The following NFKB2 variants were observed in gnomAD, a reference collection of about 807,000 sequenced individuals.
The protein encoded by NFKB2 is nuclear factor NF-kappa-B p100 subunit.
Under a neutral mutation model 109.3 loss-of-function variants are expected in NFKB2, and 21 were observed. The observed-to-expected ratio is 0.19, with a 90% CI of 0.14 to 0.28. The LOEUF is 0.28. Ranked by LOEUF, NFKB2 falls within the 10% of genes least tolerant of loss-of-function variation. The pLI, the probability that NFKB2 is intolerant of heterozygous loss-of-function variation, is 1.00. For synonymous variants in NFKB2, 478 were observed against 489.9 expected, an observed-to-expected ratio of 0.98 and a Z score of 0.32; for missense variants, 806 against 1,185.3, an observed-to-expected ratio of 0.68 and a Z score of 4.70.
rs758547255 is a variant in NFKB2 at position 102,401,377 on chromosome 10, G to A, written c.2223+46G>A. ...GAAGTGCTCTGAGTGACGGGGTCCA[G>A]AGTATCTGGACTTAAAGACACAGGC... On this transcript the variant is annotated intron_variant, in intron 19 of 22. Transcript: ENST00000661543. This position sits in a 1 kb window ranked among gnomAD's most constrained non-coding sequence, Gnocchi z 4.2. 2.9e-5 allele frequency: 46 copies of A among 1,611,814 alleles called. No individual in the cohort carries two copies. Among genetic ancestry groups the A allele is most frequent in the Admixed American group, 1.5e-4 (9 of 59,898 alleles).
Position 102,397,111 on chromosome 10 carries a change from C to G in NFKB2, c.395+56C>G, listed in dbSNP as rs2061129407. 1 of 1,589,062 alleles carries G rather than the reference C, an allele frequency of 6.3e-7. No individual in the cohort carries two copies. On this transcript the variant is annotated intron_variant, in intron 6 of 22. Coordinates refer to ENST00000661543, the MANE Select transcript of NFKB2 (RefSeq NM_001322934.2). The surrounding 1 kb of genome is among the most constrained non-coding windows in gnomAD (Gnocchi z 4.7). The stretch of plus-strand genomic sequence containing the variant: ...GTATGCCCGTCTGCCAGTCCCAGGC[C>G]CCAGCCCACCTCCATGAGCTTAGCA...
chr10:102,399,981 TCCATGGGCC>T, intron 14 of NFKB2, 90 bp from the exon 15 acceptor site: 1 of 1,283,498 alleles, frequency 7.8e-7, no homozygotes, highest in Non-Finnish European at 1.1e-6. Context: ...CGTGCTGGGT[TCCATGGGCC>T]CCAGCGAGGG....
chr10:102,402,131 A>G lies in NFKB2; in HGVS notation c.2550A>G (p.Pro850=), dbSNP rs1424990800. 2 of 1,578,330 alleles carry G rather than the reference A, an allele frequency of 1.3e-6. No homozygotes were observed. Among genetic ancestry groups the G allele is most frequent in the Non-Finnish European group, 8.6e-7 (1 of 1,161,656 alleles). ...LEEGVRLLRG[P]ETRDKLPSTA... ...AGGGAGTGAGGCTGCTGAGGGGTCC[A>G]GAAACCCGAGACAAGCTGCCCAGCA... Residue 850 remains proline (P), a synonymous_variant, in exon 22 of 23, where the codon CCA becomes CCG. Transcript: ENST00000661543.
rs751168622 is a variant in NFKB2 at position 102,400,509 on chromosome 10, CCTGA to C, written c.1798+21_1798+24del. 60 of 1,594,344 alleles carry C rather than the reference CCTGA, an allele frequency of 3.8e-5. No individual in the cohort carries two copies. Among genetic ancestry groups the C allele is most frequent in the South Asian group, 1.2e-4 (11 of 89,240 alleles). ...CTTTGAGGGTGAGCTCCCCATCTCA[CCTGA>C]CTAAGGGGGCAGGCGGGGACCAGGG... On this transcript the variant is annotated intron_variant, in intron 16 of 22. Transcript: ENST00000661543. The surrounding 1 kb of genome is among the most constrained non-coding windows in gnomAD (Gnocchi z 6.3).
In NFKB2 at chr10:102,399,341, G is replaced by C. The variant is rs551547169; in HGVS notation, c.1171G>C (p.Gly391Arg). ...CCTGGCCTACAGCCCCTACCAGTCC[G>C]GCGCGGGCCCCATGGGCTGCTACCC... The part of the protein sequence containing the change: ...SSLAYSPYQS[G>R]AGPMGCYPGG... Residue 391 changes from glycine to arginine, a missense_variant, in exon 13 of 23, where the codon GGC (glycine) becomes CGC (arginine). Physicochemically the swap from Gly to Arg is moderately radical, Grantham distance 125. Coordinates refer to ENST00000661543, the MANE Select transcript of NFKB2 (RefSeq NM_001322934.2). 1 of 1,577,154 alleles carries C rather than the reference G, an allele frequency of 6.3e-7. No individual in the cohort carries two copies. Among genetic ancestry groups the C allele is most frequent in the East Asian group, 2.3e-5 (1 of 43,364 alleles).
Position 102,395,798 on chromosome 10 carries a change from T to G in NFKB2, c.-73+2T>G. 8 of 680,188 alleles carry G rather than the reference T, an allele frequency of 1.2e-5. No homozygotes were observed. The highest frequency in any genetic ancestry group is 1.8e-5 in the South Asian group (1 of 54,882). 42.1% of individuals were successfully genotyped at this position (680,188 alleles called of 1,614,324 possible). A position where few individuals can be genotyped will look rare whatever the true frequency, so the allele number is the denominator to read the frequency against. ...CACCCGGACAGGCGGCTGGAGGAGG[T>G]CGGACCCTCCCCCAAATCTGGGCCC... On this transcript the variant is annotated splice_donor_variant, in intron 1 of 22. Transcript: ENST00000661543. LOFTEE classifies it low-confidence loss of function (5UTR_SPLICE).
At position 102,398,057 on chromosome 10, in the gene NFKB2, T is replaced by C. The variant is rs187541224; in HGVS notation, c.738T>C (p.Val246=). Residue 246 remains valine, a synonymous_variant, in exon 9 of 23, where the codon GTT becomes GTC. Transcript: ENST00000661543. The surrounding 1 kb of genome is among the most constrained non-coding windows in gnomAD (Gnocchi z 6.6). The stretch of plus-strand genomic sequence containing the variant: ...GCTCTGTGCGGGGTGGAGATGAAGT[T>C]TATCTGCTTTGTGACAAGGTGCAGA... The part of the protein sequence containing the change: ...TAGSVRGGDE[V]YLLCDKVQKD... 6.2e-7 allele frequency: 1 copy of C among 1,614,138 alleles called. No individual in the cohort carries two copies. Among genetic ancestry groups the C allele is most frequent in the Non-Finnish European group, 8.5e-7 (1 of 1,180,016 alleles).
In NFKB2 at chr10:102,397,706, G is replaced by C. The variant is rs376569201; in HGVS notation, c.661+21G>C. On this transcript the variant is annotated intron_variant, in intron 8 of 22. Transcript: ENST00000661543. The surrounding 1 kb of genome is among the most constrained non-coding windows in gnomAD (Gnocchi z 4.7). The stretch of plus-strand genomic sequence containing the variant: ...CAGCAGTGAGTATCCTGATTGCCTG[G>C]GGTGCCAGGCCTGGTGGCAGAGGTG... 1.3e-6 allele frequency: 2 copies of C among 1,594,790 alleles called. No homozygotes were observed. The highest frequency in any genetic ancestry group is 1.7e-6 in the Non-Finnish European group (2 of 1,165,006).
upstream of NFKB2, chr10:102,395,638 A>C: frequency 2.2e-6 from 1 of 463,878 alleles, no homozygotes; most frequent in Non-Finnish European, 3.9e-6. Flanking sequence ...CAGTGGCGTC[A>C]TTTCCAGGCC....
intron 14 of NFKB2, 124 bp from the exon 15 acceptor site, chr10:102,399,956 C>T (rs2061198743): frequency 9.8e-6 from 11 of 1,121,548 alleles, no homozygotes; most frequent in South Asian, 7.0e-5. Flanking sequence ...GCAGGCACAG[C>T]GATGCCCTGG....
chr10:102,400,036 A>AT lies in NFKB2; in HGVS notation c.1470-43dup. On this transcript the variant is annotated intron_variant, in intron 14 of 22. Transcript: ENST00000661543. This position sits in a 1 kb window ranked among gnomAD's most constrained non-coding sequence, Gnocchi z 6.3. ...GGCGGTGGGGCCTTGAAAGCGAAGG[A>AT]TGCTCTGAGTGGCTGGGCCAGACTC... is the stretch of plus-strand genomic sequence containing the variant. 1 of 1,589,506 alleles carries AT rather than the reference A, an allele frequency of 6.3e-7. No individual in the cohort carries two copies. The highest frequency in any genetic ancestry group is 1.7e-4 in the Middle Eastern group (1 of 6,024).
Position 102,401,166 on chromosome 10 carries a change from C to A in NFKB2, c.2072-14C>A. 1 of 1,589,380 alleles carries A rather than the reference C, an allele frequency of 6.3e-7. No individual in the cohort carries two copies. On this transcript the variant is annotated splice_polypyrimidine_tract_variant and intron_variant, in intron 18 of 22. Transcript: ENST00000661543. The surrounding 1 kb of genome is among the most constrained non-coding windows in gnomAD (Gnocchi z 4.2). ...CCCCCACCATACCGCCCCATGACGG[C>A]CTCCCTCTCCCAGGTGCTGACATCC...
At position 102,400,250 on chromosome 10, in the gene NFKB2, G is replaced by T; in HGVS notation, c.1585-28G>T. On this transcript the variant is annotated intron_variant, in intron 15 of 22. Transcript: ENST00000661543. This position sits in a 1 kb window ranked among gnomAD's most constrained non-coding sequence, Gnocchi z 6.3. ...GGGTTGGAAGGCAAGTGGGTCTCGG[G>T]CCTGGCTCACCCTGCTTTCATCCCC... 5 of 1,613,986 alleles carry T rather than the reference G, an allele frequency of 3.1e-6. No individual in the cohort carries two copies. The highest frequency in any genetic ancestry group is 4.2e-6 in the Non-Finnish European group (5 of 1,179,992).
chr10:102,399,105 C>T (rs1257462593), intron 12 of NFKB2, 183 bp from the exon 13 acceptor site: 3 of 737,688 alleles, frequency 4.1e-6, no homozygotes, highest in African/African-American at 1.8e-5. Flanking sequence ...CCCAGCTACT[C>T]GGGAGGCTGA....
In NFKB2 at chr10:102,401,899, C is replaced by T; in HGVS notation, c.2448C>T (p.Ser816=). 1.9e-6 allele frequency: 3 copies of T among 1,612,522 alleles called. No homozygotes were observed. The highest frequency in any genetic ancestry group is 1.7e-4 in the Middle Eastern group (1 of 6,056). The change falls in exon 21 of 23, where the codon AGC becomes AGT. Residue 816 remains serine (S), a synonymous_variant. Transcript: ENST00000661543. This position sits in a 1 kb window ranked among gnomAD's most constrained non-coding sequence, Gnocchi z 4.2. The part of the protein sequence containing the change: ...TYRQTTSPSG[S]LLRSYELAGG... Reference sequence around the variant, plus strand: ...GACAGACAACCTCACCCAGTGGCAGCCTCCTGCGCAGCTACGAGGTGGGTT... The same window carrying T: ...GACAGACAACCTCACCCAGTGGCAGTCTCCTGCGCAGCTACGAGGTGGGTT...
Position 102,402,248 on chromosome 10 carries a change from C to T in NFKB2, c.2579-4C>T, listed in dbSNP as rs1454033930. ...ATCCCATTCCTGTCCCCATTTACCC[C>T]CAGCAGAGGTGAAGGAAGACAGTGC... On this transcript the variant is annotated splice_polypyrimidine_tract_variant and splice_region_variant and intron_variant, in intron 22 of 22. Coordinates refer to ENST00000661543, the MANE Select transcript of NFKB2 (RefSeq NM_001322934.2). The T allele has an allele frequency of 6.4e-7, 1 of 1,551,546 alleles. No individual in the cohort carries two copies. Among genetic ancestry groups the T allele is most frequent in the South Asian group, 1.2e-5 (1 of 84,206 alleles).
In NFKB2 at chr10:102,401,269, G is replaced by C; in HGVS notation, c.2161G>C (p.Glu721Gln). The C allele has an allele frequency of 6.2e-7, 1 of 1,612,160 alleles. No individual in the cohort carries two copies. The highest frequency in any genetic ancestry group is 1.3e-5 in the African/African-American group (1 of 75,008). Residue 721 changes from glutamate to glutamine, a missense_variant, in exon 19 of 23, where the codon GAG becomes CAG. Physicochemically the swap from Glu to Gln is conservative, Grantham distance 29. Coordinates refer to ENST00000661543, the MANE Select transcript of NFKB2 (RefSeq NM_001322934.2). This position sits in a 1 kb window ranked among gnomAD's most constrained non-coding sequence, Gnocchi z 4.2. The part of the protein sequence containing the change: ...SDSDSDSEGP[E>Q]KDTRSSFRGH... ...TAGCGACTCGGACTCTGAAGGGCCT[G>C]AGAAGGACACCCGAAGCAGCTTCCG...
At position 102,400,174 on chromosome 10, in the gene NFKB2, C is replaced by T; in HGVS notation, c.1564C>T (p.Leu522Phe). 6.2e-7 allele frequency: 1 copy of T among 1,614,184 alleles called. No individual in the cohort carries two copies. The highest frequency in any genetic ancestry group is 8.5e-7 in the Non-Finnish European group (1 of 1,180,024). ...CGCCCAGGACCTCGGCGTTGTCAACCTCACCAACCACCTGCACCAGGTGCG... is the reference window on the plus strand; with the variant it reads ...CGCCCAGGACCTCGGCGTTGTCAACTTCACCAACCACCTGCACCAGGTGCG... The part of the protein sequence containing the change: ...HHAQDLGVVN[L>F]TNHLHQTPLH... Residue 522 changes from leucine (L) to phenylalanine (F), a missense_variant, in exon 15 of 23, where the codon CTC (leucine) becomes TTC (phenylalanine). Around this residue, in one of 10 missense-constraint regions of NFKB2, gnomAD observed 163 missense variants for 207.1 expected, o/e 0.79. Transcript: ENST00000661543. The surrounding 1 kb of genome is among the most constrained non-coding windows in gnomAD (Gnocchi z 6.3).
In NFKB2 at chr10:102,396,930, G is replaced by A. The variant is rs1565205073; in HGVS notation, c.270G>A (p.Lys90=). The A allele has an allele frequency of 6.2e-7, 1 of 1,606,480 alleles. No individual in the cohort carries two copies. Residue 90 remains lysine (K), a synonymous_variant, in exon 6 of 23, where the codon AAG becomes AAA. Transcript: ENST00000661543. The surrounding 1 kb of genome is among the most constrained non-coding windows in gnomAD (Gnocchi z 5.9). ...TCTGTAACTACGAGGGACCAGCCAA[G>A]ATCGAGGTGGACCTGGTAACACACA... ...VKICNYEGPA[K]IEVDLVTHSD...
Sources: allele counts gnomAD v4.1 joint callset, GRCh38; gene constraint gnomAD v4.1.1; regional missense constraint gnomAD v4.1.1; non-coding constraint Gnocchi (gnomAD v3.1); transcripts MANE v1.5; gene names NCBI Gene and HGNC (gene_info 2026-07-23, HGNC 2026-07-21).